Variants in ASIC2 observed in about 807,000 individuals in gnomAD.
The protein encoded by ASIC2 is acid sensing ion channel subunit 2.
Under a neutral mutation model 57.3 loss-of-function variants are expected in ASIC2, and 25 were observed. The ratio of observed to expected loss-of-function variants is 0.44; its 90% CI spans 0.32 to 0.61. ASIC2 has a LOEUF of 0.61. Ranked by LOEUF, ASIC2 falls within the 20% of genes least tolerant of loss-of-function variation. The pLI, the probability that ASIC2 is intolerant of heterozygous loss-of-function variation, is 0.06. For missense variants in ASIC2, 641 were observed against 738.1 expected, an observed-to-expected ratio of 0.87 and a Z score of 1.52; for synonymous variants, 319 against 307.5, an observed-to-expected ratio of 1.04 and a Z score of -0.39.
rs1012030023 is a variant in ASIC2 at position 33,310,401 on chromosome 17, A to C, written c.556-198334T>G. Among the ~76,000 whole-genome samples, 5 of 152,256 alleles carry C rather than the reference A, an allele frequency of 3.3e-5. No individual in the cohort carries two copies. In the Middle Eastern group the frequency reaches 0.014, roughly 414 times the overall value. ...GTTTGTGTTTCTCTAAGACTTATAC[A>C]CATCTAGGCTGATCATTAACCTCAA... On this transcript the variant is annotated intron_variant, in intron 1 of 9. Transcript: ENST00000359872.
At chr17:33,497,772 G>A (rs1913982866) in intron 1 of ASIC2, among the ~76,000 whole-genome samples, 1 of 152,168 alleles carries the variant, frequency 6.6e-6, no homozygotes, top group Non-Finnish European at 1.5e-5. Context: ...AAAAAAAGGA[G>A]GCTCAGAGAG....
intron 1 of ASIC2, among the ~76,000 whole-genome samples, chr17:33,988,959 G>A (rs2142008609): frequency 6.6e-6 from 1 of 152,046 alleles, no homozygotes; most frequent in African/African-American, 2.4e-5. Context: ...TCCCTTGCCT[G>A]GCTTCTTCCA....
At chr17:33,733,690 A>C (rs9908295) in intron 1 of ASIC2, among the ~76,000 whole-genome samples, 58,610 of 152,034 alleles carry the variant, frequency 0.39, 14,333 homozygotes, top group African/African-American at 0.7. Flanking sequence ...CTGCTAAGAA[A>C]TTAATATCCT....
chr17:34,036,488 G>A (rs1013453823), intron 1 of ASIC2, among the ~76,000 whole-genome samples: 12 of 151,168 alleles, frequency 7.9e-5, no homozygotes, highest in Admixed American at 2.0e-4. Flanking sequence ...AAACCTGCAC[G>A]TTGTGCACAC....
intron 1 of ASIC2, among the ~76,000 whole-genome samples, chr17:34,063,822 G>C (rs887607134): frequency 5.3e-5 from 8 of 152,090 alleles, no homozygotes; most frequent in African/African-American, 1.9e-4. Context: ...TAACAAAGGA[G>C]TCGAAAGACC....
At chr17:33,841,821 G>T (rs1345764256) in intron 1 of ASIC2, among the ~76,000 whole-genome samples, 1 of 152,182 alleles carries the variant, frequency 6.6e-6, no homozygotes, top group African/African-American at 2.4e-5. Context: ...CCAGGTTCAA[G>T]AGGCCGGAGA....
intron 1 of ASIC2, among the ~76,000 whole-genome samples, chr17:33,945,496 G>C (rs1444747558): frequency 1.3e-5 from 2 of 152,142 alleles, no homozygotes; most frequent in African/African-American, 4.8e-5. Flanking sequence ...AAATAAAAAT[G>C]GGAGAATGGG....
intron 1 of ASIC2, among the ~76,000 whole-genome samples, chr17:33,349,437 G>C (rs1309451785): frequency 2.0e-5 from 3 of 152,114 alleles, no homozygotes; most frequent in Admixed American, 6.5e-5. Flanking sequence ...TTTGGCACTA[G>C]AGGTCACCAT....
At chr17:33,368,585 G>A (rs1215775172) in intron 1 of ASIC2, among the ~76,000 whole-genome samples, 2 of 152,202 alleles carry the variant, frequency 1.3e-5, no homozygotes, top group African/African-American at 4.8e-5. Flanking sequence ...CAAACAAGGA[G>A]AGCATTTTCC....
intron 1 of ASIC2, chr17:33,569,023 T>G (rs1371001535): frequency 2.6e-5 from 4 of 152,254 alleles, no homozygotes; most frequent in Admixed American, 1.3e-4. Context: ...GGTCAGGTTA[T>G]GGACTGTTCA....
At chr17:34,095,698 TAG>T (rs1398973554) in intron 1 of ASIC2, among the ~76,000 whole-genome samples, 6 of 143,234 alleles carry the variant, frequency 4.2e-5, no homozygotes, top group African/African-American at 5.1e-5. Flanking sequence ...TAATTTTATA[TAG>T]AGATATATAA....
intron 7 of ASIC2, among the ~76,000 whole-genome samples, chr17:33,018,624 G>T (rs2091820129): frequency 6.6e-6 from 1 of 152,236 alleles, no homozygotes; most frequent in Admixed American, 6.5e-5. Flanking sequence ...CAGAGCCGAG[G>T]GCTCTGAGGC....
chr17:33,061,394 G>A (rs1227977057), intron 3 of ASIC2, among the ~76,000 whole-genome samples: 1 of 152,150 alleles, frequency 6.6e-6, no homozygotes, highest in African/African-American at 2.4e-5. Flanking sequence ...TTTGTCAAAG[G>A]CCTTTCCTGC....
intron 1 of ASIC2, among the ~76,000 whole-genome samples, chr17:33,685,207 GTTTGTTGC>G (rs1406270569): frequency 6.6e-6 from 1 of 152,116 alleles, no homozygotes. Context: ...CAGCAGGTGC[GTTTGTTGC>G]TTTCCAGATA....
chr17:33,847,048 A>G (rs1257238207), intron 1 of ASIC2, among the ~76,000 whole-genome samples: 1 of 151,900 alleles, frequency 6.6e-6, no homozygotes, highest in African/African-American at 2.4e-5. Context: ...CAGCAGGAGG[A>G]GTCTCCAGTT....
chr17:33,680,954 C>A (rs1415849574), intron 1 of ASIC2: 1 of 152,164 alleles, frequency 6.6e-6, no homozygotes, highest in Non-Finnish European at 1.5e-5. Context: ...CTGGATTGGC[C>A]CCTGCCATCT....
intron 1 of ASIC2, among the ~76,000 whole-genome samples, chr17:34,068,358 CAT>C (rs968617891): frequency 3.9e-5 from 6 of 152,130 alleles, no homozygotes; most frequent in African/African-American, 9.7e-5. Flanking sequence ...ATAGAAAACT[CAT>C]AGGAAAATGG....
At chr17:33,789,368 C>T (rs544925977) in intron 1 of ASIC2, among the ~76,000 whole-genome samples, 1 of 152,020 alleles carries the variant, frequency 6.6e-6, no homozygotes. Context: ...CTTTTATAAA[C>T]ATTGTTTTCC....
At chr17:34,097,360 G>A (rs752123226) in intron 1 of ASIC2, among the ~76,000 whole-genome samples, 1 of 152,106 alleles carries the variant, frequency 6.6e-6, no homozygotes, top group Non-Finnish European at 1.5e-5. Flanking sequence ...AGGAGTGGAG[G>A]GGGTGGGAGA....
Sources: gnomAD v4.1 joint callset for allele counts (sites outside exome capture counted in the v4.1 genomes callset) on GRCh38, gnomAD v4.1.1 for gene constraint, MANE v1.5 for transcripts, NCBI Gene and HGNC (gene_info 2026-07-23, HGNC 2026-07-21) for gene names.